Variants in GSDME observed in about 807,000 individuals in gnomAD.
GSDME encodes gasdermin-E.
GSDME carries 44 observed loss-of-function variants against 47.5 expected under a neutral mutation model. The observed-to-expected ratio is 0.93, with a 90% CI of 0.73 to 1.19. GSDME has a LOEUF of 1.19. Ranked by LOEUF, GSDME falls within the 50% of genes most tolerant of loss-of-function variation. The pLI is 0.00. For synonymous variants in GSDME, 258 were observed against 252.8 expected, an observed-to-expected ratio of 1.02 and a Z score of -0.20; for missense variants, 663 against 604.2, an observed-to-expected ratio of 1.10 and a Z score of -1.02.
At chr7:24,788,893 AG>A in the GSDME span, among the ~76,000 whole-genome samples, 1 of 152,258 alleles carries the variant, frequency 6.6e-6, no homozygotes, top group Non-Finnish European at 1.5e-5. This position sits in a 1 kb window ranked among gnomAD's most constrained non-coding sequence, Gnocchi z 4.6. Flanking sequence ...CAATATGCAT[AG>A]GAAAATTGGC....
chr7:24,772,632 G>A, the GSDME span, among the ~76,000 whole-genome samples: 1 of 152,162 alleles, frequency 6.6e-6, no homozygotes, highest in Non-Finnish European at 1.5e-5. The surrounding 1 kb of genome is among the most constrained non-coding windows in gnomAD (Gnocchi z 4.5). Flanking sequence ...CATGCATTTG[G>A]TGCCTAATAA....
intron 3 of GSDME, among the ~76,000 whole-genome samples, chr7:24,730,643 C>T (rs1175833871): frequency 2.6e-5 from 4 of 151,926 alleles, no homozygotes; most frequent in African/African-American, 9.7e-5. Flanking sequence ...GGTGAAACCC[C>T]GTCTCTACTA....
intron 3 of GSDME, among the ~76,000 whole-genome samples, chr7:24,731,122 G>T (rs557173010): frequency 6.6e-6 from 1 of 152,342 alleles, no homozygotes; most frequent in Admixed American, 6.5e-5. Flanking sequence ...AGTGGATTTC[G>T]TGGGGCCTTG....
chr7:24,725,215 GTA>G lies in GSDME; in HGVS notation c.405-5999_405-5998del, dbSNP rs1789926063. 6.6e-6 allele frequency among the ~76,000 whole-genome samples: 1 copy of G among 152,190 alleles called. No homozygotes were observed. Reference sequence around the variant, plus strand: ...GTCCTGAAGCTTAGTTTGCACATCTGTAAACTGAGAATTTGCTATGAGGGTTA... The same window carrying G: ...GTCCTGAAGCTTAGTTTGCACATCTGAACTGAGAATTTGCTATGAGGGTTA... On this transcript the variant is annotated intron_variant, in intron 3 of 9. Coordinates refer to ENST00000645220, the MANE Select transcript of GSDME (RefSeq NM_001127453.2). The surrounding 1 kb of genome is among the most constrained non-coding windows in gnomAD (Gnocchi z 5.1).
the GSDME span, among the ~76,000 whole-genome samples, chr7:24,781,913 A>G: frequency 6.6e-6 from 1 of 151,396 alleles, no homozygotes; most frequent in African/African-American, 2.4e-5. Flanking sequence ...CTAGCTAATT[A>G]TTTTTTGTTT....
At chr7:24,789,003 G>C in the GSDME span, among the ~76,000 whole-genome samples, 53 of 152,174 alleles carry the variant, frequency 3.5e-4, no homozygotes, top group African/African-American at 1.2e-3. Flanking sequence ...ATCCAATCAG[G>C]GTTCGTGAAT....
At position 24,749,577 on chromosome 7, in the gene GSDME, T is replaced by C. The variant is rs763609133; in HGVS notation, c.198A>G (p.Gln66=). ...AAGGAAACATACCTGGACTCGGAAA[T>C]TGGTCTTCTATGAGTACATCGCCAA... ...LTLGDVLIED[Q]FPSPVVVESD... is the part of the protein sequence containing the mutation. Residue 66 remains glutamine (Q), a synonymous_variant, in exon 2 of 10, where the codon CAA becomes CAG. Transcript: ENST00000645220. 9 of 1,612,396 alleles carry C rather than the reference T, an allele frequency of 5.6e-6. No homozygotes were observed. Among genetic ancestry groups the C allele is most frequent in the East Asian group, 2.2e-5 (1 of 44,830 alleles).
Position 24,754,162 on chromosome 7 carries a change from T to C in GSDME, c.-20+3234A>G, listed in dbSNP as rs772791072. ...CTCACTGCACTTCACAGTTGTTACA[T>C]AGATCACGGACTCTCGCACAGAGCC... On this transcript the variant is annotated intron_variant, in intron 1 of 9. Coordinates refer to ENST00000645220, the MANE Select transcript of GSDME (RefSeq NM_001127453.2). This position sits in a 1 kb window ranked among gnomAD's most constrained non-coding sequence, Gnocchi z 5.0. 1.3e-5 allele frequency among the ~76,000 whole-genome samples: 2 copies of C among 152,202 alleles called. No homozygotes were observed. Among genetic ancestry groups the C allele is most frequent in the Non-Finnish European group, 2.9e-5 (2 of 68,038 alleles).
In GSDME at chr7:24,747,175, CT is replaced by C. The variant is rs1304172017; in HGVS notation, c.211+2388del. On this transcript the variant is annotated intron_variant, in intron 2 of 9. Transcript: ENST00000645220. Reference sequence around the variant, plus strand: ...CTGGTCTATTTTGTCATTTTTTACCCTCTTATTCCTTTTCATATTTAGTTAT... The same window carrying C: ...CTGGTCTATTTTGTCATTTTTTACCCCTTATTCCTTTTCATATTTAGTTAT... Among the ~76,000 whole-genome samples, 17 of 152,252 alleles carry C rather than the reference CT, an allele frequency of 1.1e-4. 1 individual carries two copies. The East Asian group carries it at 2.7e-3, about 24-fold the overall frequency.
chr7:24,779,637 G>A, the GSDME span, among the ~76,000 whole-genome samples: 3 of 152,104 alleles, frequency 2.0e-5, no homozygotes, highest in African/African-American at 7.2e-5. This position sits in a 1 kb window ranked among gnomAD's most constrained non-coding sequence, Gnocchi z 6.0. Context: ...GTCATTTCAC[G>A]TATCAAGACG....
rs1789885018 is a variant in GSDME at position 24,724,049 on chromosome 7, G to C, written c.405-4831C>G. ...GAGCAACACAGACAGAATGGCTTTA[G>C]AGACACAGAAAACTATTAGTAGTGG... On this transcript the variant is annotated intron_variant, in intron 3 of 9. Coordinates refer to ENST00000645220, the MANE Select transcript of GSDME (RefSeq NM_001127453.2). This position sits in a 1 kb window ranked among gnomAD's most constrained non-coding sequence, Gnocchi z 4.8. Among the ~76,000 whole-genome samples, 1 of 152,088 alleles carries C rather than the reference G, an allele frequency of 6.6e-6. No individual in the cohort carries two copies. The highest frequency in any genetic ancestry group is 1.5e-5 in the Non-Finnish European group (1 of 68,024).
intron 4 of GSDME, among the ~76,000 whole-genome samples, chr7:24,718,189 C>A (rs545402778): frequency 6.6e-6 from 1 of 152,354 alleles, no homozygotes; most frequent in Non-Finnish European, 1.5e-5. Context: ...CCAGCCCCAA[C>A]CCAGTAAGAG....
chr7:24,747,593 T>G (rs536421200), intron 2 of GSDME, among the ~76,000 whole-genome samples: 7 of 152,346 alleles, frequency 4.6e-5, no homozygotes, highest in Admixed American at 3.9e-4. Context: ...CTCTAAGAAT[T>G]TACGCTAAAG....
chr7:24,739,821 G>A lies in GSDME; in HGVS notation c.404+4741C>T, dbSNP rs376379815. 8.1e-4 allele frequency among the ~76,000 whole-genome samples: 124 copies of A among 152,200 alleles called. 1 individual carries two copies. The highest frequency in any genetic ancestry group is 2.9e-3 in the African/African-American group (121 of 41,522). On this transcript the variant is annotated intron_variant, in intron 3 of 9. Coordinates refer to ENST00000645220, the MANE Select transcript of GSDME (RefSeq NM_001127453.2). This position sits in a 1 kb window ranked among gnomAD's most constrained non-coding sequence, Gnocchi z 5.1. ...AAAAGAGTAAGATCCTGGGCTGGGC[G>A]CAGTGGCTCACGCCCATAATCCTAG...
chr7:24,717,161 A>G, intron 5 of GSDME, 93 bp downstream of exon 5: 2 of 1,441,528 alleles, frequency 1.4e-6, no homozygotes, highest in South Asian at 2.3e-5. Flanking sequence ...CACAGTCTCC[A>G]AAGCAGTCGA....
chr7:24,699,136 T>C lies in GSDME; in HGVS notation c.1381A>G (p.Arg461Gly). 1 of 1,614,100 alleles carries C rather than the reference T, an allele frequency of 6.2e-7. No homozygotes were observed. Among genetic ancestry groups the C allele is most frequent in the Non-Finnish European group, 8.5e-7 (1 of 1,179,992 alleles). The change falls in exon 10 of 10, where the codon AGA (arginine) becomes GGA (glycine). Residue 461 changes from arginine to glycine, a missense_variant. Transcript: ENST00000645220. ...ACAGCTTTCACAGATGACTTCAGTCTCTCCAGACTAATGTCAGCTGAGGCA... is the reference window on the plus strand; with the variant it reads ...ACAGCTTTCACAGATGACTTCAGTCCCTCCAGACTAATGTCAGCTGAGGCA... Reference protein sequence around the residue: ...LFASADISLERLKSSVKAVIL... With the variant: ...LFASADISLEGLKSSVKAVIL...
upstream of GSDME, among the ~76,000 whole-genome samples, chr7:24,761,939 G>A (rs187587645): frequency 3.8e-3 from 574 of 152,186 alleles, 2 homozygotes; most frequent in Middle Eastern, 6.8e-3. The surrounding 1 kb of genome is among the most constrained non-coding windows in gnomAD (Gnocchi z 4.4). Flanking sequence ...TCTATCTGCC[G>A]CCCTTGTTTT....
chr7:24,705,860 A>C lies in GSDME; in HGVS notation c.1183+324T>G. Reference sequence around the variant, plus strand: ...GTTGCTGCCACTCAGCTCTGCTGGGACTCCGGAGTGAACCACAGCCTGTCA... The same window carrying C: ...GTTGCTGCCACTCAGCTCTGCTGGGCCTCCGGAGTGAACCACAGCCTGTCA... On this transcript the variant is annotated intron_variant, in intron 8 of 9. Coordinates refer to ENST00000645220, the MANE Select transcript of GSDME (RefSeq NM_001127453.2). This position sits in a 1 kb window ranked among gnomAD's most constrained non-coding sequence, Gnocchi z 4.1. The C allele has an allele frequency of 2.4e-6, 1 of 423,370 alleles. No individual in the cohort carries two copies. Among genetic ancestry groups the C allele is most frequent in the Non-Finnish European group, 4.4e-6 (1 of 225,188 alleles). 26.2% of individuals were successfully genotyped at this position (423,370 alleles called of 1,614,324 possible). A position where few individuals can be genotyped will look rare whatever the true frequency, so the allele number is the denominator to read the frequency against.
upstream of GSDME, among the ~76,000 whole-genome samples, chr7:24,762,676 GCAGA>G (rs760927311): frequency 2.1e-4 from 32 of 152,100 alleles, no homozygotes; most frequent in Non-Finnish European, 4.6e-4. Context: ...AGCGGGAAAG[GCAGA>G]CAGATAAACA....
Sources: allele counts gnomAD v4.1 joint callset (sites outside exome capture counted in the v4.1 genomes callset), GRCh38; gene constraint gnomAD v4.1.1; non-coding constraint Gnocchi (gnomAD v3.1); transcripts MANE v1.5; gene names NCBI Gene and HGNC (gene_info 2026-07-23, HGNC 2026-07-21).